Variants in FGF14 observed in about 807,000 individuals in gnomAD.
FGF14 encodes fibroblast growth factor homologous factor 4.
Under a neutral mutation model 25.5 loss-of-function variants are expected in FGF14, and 5 were observed. That is an observed-to-expected ratio of 0.20 (90% CI 0.10 to 0.41). The LOEUF (loss-of-function observed/expected upper bound fraction) is 0.41, where lower values mean the gene tolerates loss of function less well. FGF14 is among the 10% of genes least tolerant of loss of function. The pLI, the probability that FGF14 is intolerant of heterozygous loss-of-function variation, is 1.00. For synonymous variants in FGF14, 138 were observed against 118.3 expected, an observed-to-expected ratio of 1.17 and a Z score of -1.08; for missense variants, 222 against 320.1, an observed-to-expected ratio of 0.69 and a Z score of 2.34.
chr13:101,723,688 C>T (rs1020975954), intron 4 of FGF14, among the ~76,000 whole-genome samples: 7 of 152,058 alleles, frequency 4.6e-5, no homozygotes, highest in African/African-American at 1.7e-4. Flanking sequence ...AAGACAGCAA[C>T]TGAAACTACC....
chr13:102,265,729 G>C (rs1197623113), intron 1 of FGF14, among the ~76,000 whole-genome samples: 1 of 152,054 alleles, frequency 6.6e-6, no homozygotes, highest in Non-Finnish European at 1.5e-5. Context: ...ATCAAAATTA[G>C]AATTCCAGAA....
chr13:102,045,492 C>T (rs1204431675), intron 1 of FGF14, among the ~76,000 whole-genome samples: 2 of 152,002 alleles, frequency 1.3e-5, no homozygotes, highest in Admixed American at 1.3e-4. Flanking sequence ...AACTCATTGT[C>T]TGATTTTGAT....
intron 1 of FGF14, among the ~76,000 whole-genome samples, chr13:101,877,814 A>C (rs2045481738): frequency 6.6e-6 from 1 of 152,146 alleles, no homozygotes; most frequent in South Asian, 2.1e-4. Context: ...CATTGGCCAC[A>C]TTTCCAATAC....
At chr13:101,930,440 T>A (rs1225027792) in intron 1 of FGF14, among the ~76,000 whole-genome samples, 1 of 152,206 alleles carries the variant, frequency 6.6e-6, no homozygotes, top group Non-Finnish European at 1.5e-5. Flanking sequence ...CATATCCTAG[T>A]GTTAATACTG....
At chr13:102,150,037 A>C (rs1481306388) in intron 1 of FGF14, among the ~76,000 whole-genome samples, 1 of 152,212 alleles carries the variant, frequency 6.6e-6, no homozygotes, top group Admixed American at 6.5e-5. Flanking sequence ...GGCATGTCTT[A>C]GAATGTGAGT....
chr13:102,128,133 G>T (rs1444083776), intron 1 of FGF14, among the ~76,000 whole-genome samples: 3 of 133,596 alleles, frequency 2.2e-5, no homozygotes, highest in African/African-American at 7.8e-5. Context: ...ACTAACAAGG[G>T]AACCTTGGAC....
intron 1 of FGF14, among the ~76,000 whole-genome samples, chr13:102,139,167 C>T (rs1307912731): frequency 6.6e-6 from 1 of 152,098 alleles, no homozygotes; most frequent in East Asian, 1.9e-4. Flanking sequence ...AATCTTGGGT[C>T]TTCCACATTG....
At position 101,896,471 on chromosome 13, in the gene FGF14, T is replaced by C. The variant is rs149760360; in HGVS notation, c.193+19982A>G. On this transcript the variant is annotated intron_variant, in intron 1 of 4. Coordinates refer to ENST00000376143, the MANE Select transcript of FGF14 (RefSeq NM_004115.4). The stretch of plus-strand genomic sequence containing the variant: ...GGTCATATCCGCAGACTTTGTGTTC[T>C]AATATTCAGATTTTCTCATAGTGTG... Among the ~76,000 whole-genome samples, 181 of 152,290 alleles carry C rather than the reference T, an allele frequency of 1.2e-3. 1 individual carries two copies. The highest frequency in any genetic ancestry group is 4.2e-3 in the African/African-American group (176 of 41,572).
chr13:101,890,455 C>A (rs1239559223), intron 1 of FGF14, among the ~76,000 whole-genome samples: 1 of 152,138 alleles, frequency 6.6e-6, no homozygotes, highest in Admixed American at 6.6e-5. Flanking sequence ...CATTTGGGGA[C>A]CTCTGTTCCT....
intron 1 of FGF14, among the ~76,000 whole-genome samples, chr13:102,181,597 T>A (rs1321289240): frequency 1.3e-5 from 2 of 152,290 alleles, no homozygotes; most frequent in East Asian, 3.9e-4. Flanking sequence ...GCAATGCAGC[T>A]GCAAATCAGA....
At chr13:102,132,013 T>C (rs56340346) in intron 1 of FGF14, among the ~76,000 whole-genome samples, 1 of 152,144 alleles carries the variant, frequency 6.6e-6, no homozygotes, top group African/African-American at 2.4e-5. Flanking sequence ...AAATAAGTTT[T>C]TTTTGTTTTG....
At chr13:101,860,246 C>G (rs942434139) in intron 3 of FGF14, among the ~76,000 whole-genome samples, 1 of 152,080 alleles carries the variant, frequency 6.6e-6, no homozygotes, top group Admixed American at 6.6e-5. Flanking sequence ...TTGTCTTTCT[C>G]TATACCATCT....
intron 3 of FGF14, among the ~76,000 whole-genome samples, chr13:101,745,888 G>T (rs1028348800): frequency 6.6e-6 from 1 of 151,960 alleles, no homozygotes; most frequent in Non-Finnish European, 1.5e-5. Context: ...AGTTTGCTTG[G>T]GCAGAGTGCT....
intron 3 of FGF14, among the ~76,000 whole-genome samples, chr13:101,747,580 C>T (rs974166093): frequency 4.0e-5 from 6 of 151,876 alleles, no homozygotes; most frequent in African/African-American, 1.5e-4. Flanking sequence ...ACCTTACTGA[C>T]CAACAAACAT....
At chr13:102,317,517 A>G (rs1007858376) in intron 1 of FGF14, among the ~76,000 whole-genome samples, 2 of 152,222 alleles carry the variant, frequency 1.3e-5, no homozygotes, top group African/African-American at 4.8e-5. Flanking sequence ...GTTATAAATT[A>G]TATCACTTAA....
At chr13:102,150,538 T>C (rs2140499779) in intron 1 of FGF14, among the ~76,000 whole-genome samples, 1 of 152,334 alleles carries the variant, frequency 6.6e-6, no homozygotes, top group South Asian at 2.1e-4. Flanking sequence ...TTATTTGTCC[T>C]ATGATTCCCG....
chr13:102,352,684 C>T (rs1248879668), intron 1 of FGF14, among the ~76,000 whole-genome samples: 4 of 151,862 alleles, frequency 2.6e-5, no homozygotes, highest in Non-Finnish European at 4.4e-5. Flanking sequence ...CGGTGGTGGG[C>T]GCCTGTAGTC....
At chr13:101,962,152 C>T (rs564861727) in intron 1 of FGF14, among the ~76,000 whole-genome samples, 1 of 152,156 alleles carries the variant, frequency 6.6e-6, no homozygotes, top group South Asian at 2.1e-4. Context: ...TTACTTTGGG[C>T]ATTATGGCCA....
intron 1 of FGF14, among the ~76,000 whole-genome samples, chr13:101,910,239 A>T (rs550617100): frequency 6.6e-6 from 1 of 152,168 alleles, no homozygotes; most frequent in Admixed American, 6.5e-5. Flanking sequence ...AACATAAAGT[A>T]TAAAAAAATA....
Sources: allele counts gnomAD v4.1 joint callset (sites outside exome capture counted in the v4.1 genomes callset), GRCh38; gene constraint gnomAD v4.1.1; transcripts MANE v1.5; gene names NCBI Gene and HGNC (gene_info 2026-07-23, HGNC 2026-07-21).